ZRANB1: variants seen among roughly 807,000 people sequenced by gnomAD.
The protein encoded by ZRANB1 is ubiquitin thioesterase ZRANB1.
ZRANB1 carries 16 observed loss-of-function variants against 80.5 expected under a neutral mutation model. The observed-to-expected ratio is 0.20, with a 90% CI of 0.13 to 0.30. ZRANB1 has a LOEUF of 0.30. Ranked by LOEUF, ZRANB1 falls within the 10% of genes least tolerant of loss-of-function variation. The pLI is 1.00. For missense variants in ZRANB1, 576 were observed against 862.6 expected (o/e 0.67, Z 4.16); for synonymous variants, 291 against 293.1 (o/e 0.99, Z 0.07).
At chr10:124,941,985 TTGC>T (rs1225251845), upstream of ZRANB1, 11 of 241,916 alleles carry the variant, frequency 4.5e-5, no homozygotes, top group East Asian at 5.3e-4. Context: ...AAAATAGACG[TTGC>T]TTGATCTTCT....
chr10:124,943,150 T>A lies in ZRANB1; in HGVS notation c.657T>A (p.Ala219=). 1 of 1,614,238 alleles carries A rather than the reference T, an allele frequency of 6.2e-7. No homozygotes were observed. Among genetic ancestry groups the A allele is most frequent in the Non-Finnish European group, 8.5e-7 (1 of 1,180,050 alleles). Residue 219 remains alanine (A), a synonymous_variant, in exon 1 of 9, where the codon GCT becomes GCA. Transcript: ENST00000359653. ...ATAGCCAAAGGAGATCACCTCCTGCTACGAAGCGGGACTCTGAAGTGAAAA... is the reference window on the plus strand; with the variant it reads ...ATAGCCAAAGGAGATCACCTCCTGCAACGAAGCGGGACTCTGAAGTGAAAA... ...SGNSQRRSPP[A]TKRDSEVKMD...
chr10:124,933,825 T>C, the ZRANB1 span, among the ~76,000 whole-genome samples: 10 of 152,218 alleles, frequency 6.6e-5, no homozygotes, highest in Admixed American at 2.6e-4. Context: ...CCGCTCACTT[T>C]CTTGTTACGA....
intron 1 of ZRANB1, among the ~76,000 whole-genome samples, chr10:124,963,514 G>A (rs910335452): frequency 3.7e-5 from 5 of 133,384 alleles, no homozygotes; most frequent in Non-Finnish European, 6.3e-5. Flanking sequence ...GTGTAATTAT[G>A]TGAAGAACTC....
At chr10:124,973,258 G>T (rs1951842529) in intron 3 of ZRANB1, among the ~76,000 whole-genome samples, 1 of 152,170 alleles carries the variant, frequency 6.6e-6, no homozygotes, top group Admixed American at 6.5e-5. Flanking sequence ...GGCTCAAACA[G>T]TTCTCTCACC....
upstream of ZRANB1, among the ~76,000 whole-genome samples, chr10:124,941,229 G>C (rs1951534306): frequency 1.3e-5 from 2 of 151,930 alleles, no homozygotes; most frequent in South Asian, 4.2e-4. Context: ...TGTTATGTAA[G>C]TTGCTTCATT....
chr10:124,927,886 A>G, the ZRANB1 span, among the ~76,000 whole-genome samples: 1 of 152,094 alleles, frequency 6.6e-6, no homozygotes, highest in South Asian at 2.1e-4. Flanking sequence ...AAAACACAAA[A>G]ATTAGCTGGG....
chr10:124,940,593 T>C (rs923303906), upstream of ZRANB1: 38 of 1,228,614 alleles, frequency 3.1e-5, 1 homozygote, highest in South Asian at 2.8e-4. Context: ...TACTTTCTTA[T>C]AGTGATTTTT....
rs1185501330 is a variant in ZRANB1 at position 124,983,760 on chromosome 10, G to A, written c.1908+72G>A. The stretch of plus-strand genomic sequence containing the variant: ...AGAAACAGCCTGAAGTGCCTTTCAG[G>A]TGTGGTTTTATCTGCACTATCACTT... On this transcript the variant is annotated intron_variant, in intron 8 of 8. Transcript: ENST00000359653. The surrounding 1 kb of genome is among the most constrained non-coding windows in gnomAD (Gnocchi z 6.2). The A allele has an allele frequency of 5.9e-6, 7 of 1,185,142 alleles. No homozygotes were observed. Among genetic ancestry groups the A allele is most frequent in the Non-Finnish European group, 7.2e-6 (6 of 836,682 alleles). 73.4% of individuals were successfully genotyped at this position (1,185,142 alleles called of 1,614,324 possible). A position where few individuals can be genotyped will look rare whatever the true frequency, so the allele number is the denominator to read the frequency against.
intron 2 of ZRANB1, among the ~76,000 whole-genome samples, chr10:124,967,640 C>A (rs1387570942): frequency 6.6e-6 from 1 of 152,120 alleles, no homozygotes; most frequent in Non-Finnish European, 1.5e-5. Flanking sequence ...CTGGCAAGAA[C>A]TTCTGCCAGA....
chr10:124,973,192 G>C (rs941277363), intron 3 of ZRANB1, among the ~76,000 whole-genome samples: 1 of 151,880 alleles, frequency 6.6e-6, no homozygotes, highest in South Asian at 2.1e-4. Flanking sequence ...TTACTCTATC[G>C]CCTAGGCTGG....
chr10:124,918,782 C>T, the ZRANB1 span, among the ~76,000 whole-genome samples: 4 of 152,130 alleles, frequency 2.6e-5, no homozygotes, highest in Non-Finnish European at 5.9e-5. Flanking sequence ...AATTTAGAAT[C>T]CTATTGACTT....
intron 2 of ZRANB1, among the ~76,000 whole-genome samples, 200 bp from the exon 3 acceptor site, chr10:124,971,765 G>A (rs1405035482): frequency 6.6e-6 from 1 of 152,100 alleles, no homozygotes; most frequent in Non-Finnish European, 1.5e-5. Context: ...CTGAATCAGA[G>A]GATAAAACAT....
chr10:124,973,734 G>A lies in ZRANB1; in HGVS notation c.1228+18G>A, dbSNP rs750445254. The A allele has an allele frequency of 1.2e-6, 2 of 1,606,190 alleles. No homozygotes were observed. Among genetic ancestry groups the A allele is most frequent in the African/African-American group, 1.3e-5 (1 of 74,674 alleles). ...TCAAAAAGGTAAGCATGGAATTAAT[G>A]AGTATAATTTACCTTTCATCTGATC... On this transcript the variant is annotated intron_variant, in intron 4 of 8. Transcript: ENST00000359653.
At chr10:124,973,788 G>A (rs1299038619) in intron 4 of ZRANB1, 72 bp downstream of exon 4, 2 of 1,319,232 alleles carry the variant, frequency 1.5e-6, no homozygotes, top group South Asian at 1.3e-5. Flanking sequence ...AAGGCATGGT[G>A]TAGTTTGGTG....
chr10:124,980,377 T>G (rs987204194), intron 5 of ZRANB1, among the ~76,000 whole-genome samples: 3 of 152,224 alleles, frequency 2.0e-5, no homozygotes, highest in African/African-American at 7.2e-5. Flanking sequence ...TTGAAGAGTT[T>G]TGAGTGCAAT....
At chr10:124,955,643 A>T (rs972373613) in intron 1 of ZRANB1, among the ~76,000 whole-genome samples, 1 of 152,144 alleles carries the variant, frequency 6.6e-6, no homozygotes, top group African/African-American at 2.4e-5. Context: ...TAGGTAATAG[A>T]GTTATTTTTA....
chr10:124,942,457 C>T lies in ZRANB1; in HGVS notation c.-37C>T, dbSNP rs1564954439. 7 of 1,611,898 alleles carry T rather than the reference C, an allele frequency of 4.3e-6. No individual in the cohort carries two copies. The highest frequency in any genetic ancestry group is 8.5e-7 in the Non-Finnish European group (1 of 1,178,416). On this transcript the variant is annotated 5_prime_UTR_variant, in exon 1 of 9. Coordinates refer to ENST00000359653, the MANE Select transcript of ZRANB1 (RefSeq NM_017580.3). ...ATAACCATGTCCTAATTATTTATAG[C>T]TTCCTGCCTGACACAGCTCACTTCA...
At chr10:124,967,670 A>G (rs1421230293) in intron 2 of ZRANB1, among the ~76,000 whole-genome samples, 1 of 152,152 alleles carries the variant, frequency 6.6e-6, no homozygotes, top group Non-Finnish European at 1.5e-5. Flanking sequence ...GGGTAGCCAT[A>G]GAAGGGTACC....
intron 1 of ZRANB1, among the ~76,000 whole-genome samples, chr10:124,951,348 A>G (rs531111244): frequency 6.6e-6 from 1 of 152,318 alleles, no homozygotes; most frequent in African/African-American, 2.4e-5. Context: ...AGGAAAAGTC[A>G]TTTAGTTTTT....
Sources: gnomAD v4.1 joint callset for allele counts (sites outside exome capture counted in the v4.1 genomes callset) on GRCh38, gnomAD v4.1.1 for gene constraint, Gnocchi (gnomAD v3.1) non-coding constraint, MANE v1.5 for transcripts, NCBI Gene and HGNC (gene_info 2026-07-23, HGNC 2026-07-21) for gene names.